The following DOK6 variants were observed in gnomAD, a reference collection of about 807,000 sequenced individuals.
The protein encoded by DOK6 is downstream of tyrosine kinase 6.
In DOK6, 22 loss-of-function variants were observed where a neutral mutation model predicts 44.0. That is an observed-to-expected ratio of 0.50 (90% CI 0.36 to 0.71). The LOEUF is 0.71. Among genes scored for constraint, DOK6 ranks in the 30% least tolerant of loss-of-function variants. The pLI, the probability that DOK6 is intolerant of heterozygous loss-of-function variation, is 0.00. For missense variants in DOK6, 340 were observed against 416.4 expected, an observed-to-expected ratio of 0.82 and a Z score of 1.60; for synonymous variants, 166 against 145.5, an observed-to-expected ratio of 1.14 and a Z score of -1.01.
chr18:69,628,988 AC>A (rs549199615), intron 3 of DOK6, among the ~76,000 whole-genome samples: 56 of 152,378 alleles, frequency 3.7e-4, no homozygotes, highest in Middle Eastern at 3.4e-3. Flanking sequence ...TATCCAAGTT[AC>A]AGAGAGCACC....
Position 69,780,284 on chromosome 18 carries a change from C to T in DOK6, c.856+22411C>T, listed in dbSNP as rs147368580. ...CCCAGGATTTACCTGCCCCAAATAG[C>T]CATATATTTTCCTATTTGAAACATT... On this transcript the variant is annotated intron_variant, in intron 7 of 7. Transcript: ENST00000382713. Among the ~76,000 whole-genome samples, 976 of 152,224 alleles carry T rather than the reference C, an allele frequency of 6.4e-3. 4 individuals carry two copies. Among genetic ancestry groups the T allele is most frequent in the Non-Finnish European group, 8.9e-3 (606 of 68,000 alleles).
intron 4 of DOK6, among the ~76,000 whole-genome samples, chr18:69,691,227 A>ATAAG (rs1461247319): frequency 2.6e-3 from 388 of 151,438 alleles, no homozygotes; most frequent in African/African-American, 8.7e-3. Flanking sequence ...AAATAAATAA[A>ATAAG]TAAAAATATA....
chr18:69,531,014 C>T (rs1485412897), intron 1 of DOK6, among the ~76,000 whole-genome samples: 1 of 151,908 alleles, frequency 6.6e-6, no homozygotes, highest in African/African-American at 2.4e-5. Flanking sequence ...TATGTAATGG[C>T]CTTCTTTGTC....
At chr18:69,668,538 C>T (rs796802172) in intron 3 of DOK6, among the ~76,000 whole-genome samples, 8 of 152,086 alleles carry the variant, frequency 5.3e-5, no homozygotes, top group African/African-American at 1.7e-4. Context: ...TCATAGTTTT[C>T]TTCTGCTTCA....
chr18:69,616,310 C>T (rs1249911916), intron 3 of DOK6, among the ~76,000 whole-genome samples: 1 of 152,118 alleles, frequency 6.6e-6, no homozygotes, highest in Non-Finnish European at 1.5e-5. Flanking sequence ...GTCATCCCAG[C>T]ACCCCTCACC....
In DOK6 at chr18:69,422,524, T is replaced by G. The variant is rs569541429; in HGVS notation, c.66+21214T>G. ...ATTTCTGTTAACACTGCCACTGTTT[T>G]CGAAGTTATTCAATATTAGACCTCA... is the stretch of plus-strand genomic sequence containing the variant. On this transcript the variant is annotated intron_variant, in intron 1 of 7. Coordinates refer to ENST00000382713, the MANE Select transcript of DOK6 (RefSeq NM_152721.6). Among the ~76,000 whole-genome samples, 3 of 152,350 alleles carry G rather than the reference T, an allele frequency of 2.0e-5. No individual in the cohort carries two copies. In the South Asian group the frequency reaches 6.2e-4, roughly 32 times the overall value.
At chr18:69,467,986 A>G (rs879701732) in intron 1 of DOK6, among the ~76,000 whole-genome samples, 4 of 152,182 alleles carry the variant, frequency 2.6e-5, no homozygotes, top group Non-Finnish European at 4.4e-5. Flanking sequence ...ATGCCATGCA[A>G]TAGGCAATGA....
At chr18:69,836,522 G>C (rs1360646184) in intron 7 of DOK6, among the ~76,000 whole-genome samples, 3 of 151,964 alleles carry the variant, frequency 2.0e-5, no homozygotes, top group African/African-American at 7.3e-5. Context: ...ACATTACCTA[G>C]ATATATGGGT....
chr18:69,515,512 A>G (rs1981497288), intron 1 of DOK6, among the ~76,000 whole-genome samples: 1 of 152,222 alleles, frequency 6.6e-6, no homozygotes, highest in Admixed American at 6.5e-5. Context: ...TACTGAATAA[A>G]TGAGGGATTC....
chr18:69,541,194 C>T (rs1982259735), intron 1 of DOK6, among the ~76,000 whole-genome samples: 1 of 143,762 alleles, frequency 7.0e-6, no homozygotes, highest in African/African-American at 2.4e-5. Flanking sequence ...CCCCCATTGT[C>T]AACATGTACT....
At chr18:69,778,420 G>A (rs2145086811) in intron 7 of DOK6, among the ~76,000 whole-genome samples, 1 of 152,234 alleles carries the variant, frequency 6.6e-6, no homozygotes, top group South Asian at 2.1e-4. Context: ...GAACCTCGAA[G>A]AGACCGAGGC....
intron 5 of DOK6, among the ~76,000 whole-genome samples, chr18:69,706,685 C>T (rs1202792179): frequency 8.3e-6 from 1 of 120,292 alleles, no homozygotes; most frequent in South Asian, 3.5e-4. Context: ...CCTCCCCCCT[C>T]CCCCCACCCC....
chr18:69,836,513 C>T (rs138029386), intron 7 of DOK6, among the ~76,000 whole-genome samples: 10 of 151,972 alleles, frequency 6.6e-5, no homozygotes, highest in African/African-American at 2.4e-4. Context: ...AGATTGTCAA[C>T]ATTACCTAGA....
At chr18:69,670,510 ATTTTTT>A (rs34425516) in intron 3 of DOK6, among the ~76,000 whole-genome samples, 1 of 137,094 alleles carries the variant, frequency 7.3e-6, no homozygotes, top group Non-Finnish European at 1.5e-5. Context: ...TTGTGCATCA[ATTTTTT>A]TTTTTTTTTT....
intron 1 of DOK6, among the ~76,000 whole-genome samples, chr18:69,416,474 A>G (rs1978343721): frequency 6.6e-6 from 1 of 152,108 alleles, no homozygotes; most frequent in Non-Finnish European, 1.5e-5. Flanking sequence ...TTTCTTTTGG[A>G]GACAGTGAGA....
At chr18:69,648,669 T>C (rs80029332) in intron 3 of DOK6, among the ~76,000 whole-genome samples, 10,597 of 152,278 alleles carry the variant, frequency 0.07, 426 homozygotes, top group Admixed American at 0.1. Context: ...ATCATTGCCC[T>C]GGACTCAGCA....
chr18:69,804,732 A>C (rs1430844735), intron 7 of DOK6, among the ~76,000 whole-genome samples: 1 of 152,186 alleles, frequency 6.6e-6, no homozygotes, highest in Non-Finnish European at 1.5e-5. Context: ...ATTCAGGACC[A>C]AACCAGTTCA....
intron 1 of DOK6, among the ~76,000 whole-genome samples, chr18:69,536,582 T>C (rs2144577643): frequency 6.6e-6 from 1 of 152,324 alleles, no homozygotes; most frequent in Non-Finnish European, 1.5e-5. Context: ...TGTTTGTGAA[T>C]ATCTTTCTAT....
rs988004463 is a variant in DOK6 at position 69,842,985 on chromosome 18, T to C, written c.*1602T>C. The C allele has an allele frequency of 2.6e-5, 4 of 152,170 alleles. No individual in the cohort carries two copies. Among genetic ancestry groups the C allele is most frequent in the Non-Finnish European group, 4.4e-5 (3 of 68,024 alleles). The allele number at this position is 152,170 out of a possible 1,614,324, so 9.4% of individuals were successfully genotyped here. A position where few individuals can be genotyped will look rare whatever the true frequency, so the allele number is the denominator to read the frequency against. On this transcript the variant is annotated 3_prime_UTR_variant, in exon 8 of 8. Coordinates refer to ENST00000382713, the MANE Select transcript of DOK6 (RefSeq NM_152721.6). The stretch of plus-strand genomic sequence containing the variant: ...TTTGCTGATCTCTGATGAGTTGTCT[T>C]TTCATCCCTATCTGTAGCTTGAGTG...
Sources: gnomAD v4.1 joint callset for allele counts (sites outside exome capture counted in the v4.1 genomes callset) on GRCh38, gnomAD v4.1.1 for gene constraint, MANE v1.5 for transcripts, NCBI Gene and HGNC (gene_info 2026-07-23, HGNC 2026-07-21) for gene names.